Variants in PREX1 observed in about 807,000 individuals in gnomAD.
PREX1 encodes the protein phosphatidylinositol 3,4,5-trisphosphate-dependent Rac exchanger 1 protein.
A neutral mutation model predicts 198.3 loss-of-function variants in PREX1; 41 were observed. The ratio of observed to expected loss-of-function variants is 0.21; its 90% CI spans 0.16 to 0.27. The LOEUF is 0.27. Ranked by LOEUF, PREX1 falls within the 10% of genes least tolerant of loss-of-function variation. PREX1 has a pLI of 1.00. For synonymous variants in PREX1, 843 were observed against 887.2 expected (o/e 0.95, Z 0.89); for missense variants, 1,620 against 2,200.7 (o/e 0.74, Z 5.28).
intron 7 of PREX1, among the ~76,000 whole-genome samples, chr20:48,697,163 T>C (rs1160815985): frequency 1.3e-5 from 2 of 152,208 alleles, no homozygotes; most frequent in Admixed American, 6.5e-5. Context: ...AATAAAGATA[T>C]ATGTATTTGT....
At chr20:48,665,066 C>T (rs201624995) in intron 15 of PREX1, among the ~76,000 whole-genome samples, 11 of 133,492 alleles carry the variant, frequency 8.2e-5, no homozygotes, top group Admixed American at 4.6e-4. Context: ...ATTCTAATCC[C>T]GACTCCAGAC....
the PREX1 span, among the ~76,000 whole-genome samples, chr20:48,876,415 T>C: frequency 6.6e-6 from 1 of 152,204 alleles, no homozygotes; most frequent in African/African-American, 2.4e-5. Flanking sequence ...GCTTATCTTA[T>C]CAAACAAACT....
chr20:48,637,813 G>A, intron 30 of PREX1, 61 bp from the exon 31 acceptor site: 3 of 1,476,712 alleles, frequency 2.0e-6, no homozygotes, highest in Non-Finnish European at 1.9e-6. Context: ...AGAGGTGAGG[G>A]CAGAACCGGG....
chr20:48,737,646 T>C (rs1472521354), intron 3 of PREX1, among the ~76,000 whole-genome samples: 7 of 151,990 alleles, frequency 4.6e-5, no homozygotes, highest in Non-Finnish European at 1.0e-4. Context: ...CAATCAGAGT[T>C]CCCCGTCCTA....
At chr20:48,693,061 C>T (rs1317142892) in intron 7 of PREX1, among the ~76,000 whole-genome samples, 2 of 152,110 alleles carry the variant, frequency 1.3e-5, no homozygotes, top group South Asian at 2.1e-4. Context: ...ACATGGGAGA[C>T]CAACAGGAGG....
chr20:48,842,083 G>T, the PREX1 span, among the ~76,000 whole-genome samples: 1 of 152,124 alleles, frequency 6.6e-6, no homozygotes, highest in South Asian at 2.1e-4. Context: ...GCTGTTGACA[G>T]GGGGCTAATG....
intron 5 of PREX1, among the ~76,000 whole-genome samples, chr20:48,709,940 A>G (rs965747675): frequency 8.5e-5 from 13 of 152,238 alleles, no homozygotes; most frequent in African/African-American, 1.4e-4. Flanking sequence ...TCTGAAGACC[A>G]GGTCCTAAGA....
chr20:48,650,141 C>G lies in PREX1; in HGVS notation c.2883G>C (p.Pro961=), dbSNP rs368665525. The G allele has an allele frequency of 1.9e-6, 3 of 1,613,900 alleles. No homozygotes were observed. Among genetic ancestry groups the G allele is most frequent in the South Asian group, 2.2e-5 (2 of 91,070 alleles). ...PFKQAPLEPH[P]LCGLDFCPTN... is the part of the protein sequence containing the mutation. Reference sequence around the variant, plus strand: ...TGGGGCAGAAGTCCAGGCCACACAGCGGGTGGGGCTCCAGGGGGGCTTGTT... The same window carrying G: ...TGGGGCAGAAGTCCAGGCCACACAGGGGGTGGGGCTCCAGGGGGGCTTGTT... Residue 961 remains proline (P), a synonymous_variant, in exon 24 of 40, where the codon CCG becomes CCC. Transcript: ENST00000371941.
intron 1 of PREX1, among the ~76,000 whole-genome samples, chr20:48,765,831 G>A (rs1046554779): frequency 5.3e-5 from 8 of 152,174 alleles, no homozygotes; most frequent in Non-Finnish European, 7.4e-5. Flanking sequence ...GTTAGGAACC[G>A]GGCCACACAG....
intron 6 of PREX1, among the ~76,000 whole-genome samples, chr20:48,702,156 T>A (rs1284500715): frequency 6.8e-6 from 1 of 146,454 alleles, no homozygotes; most frequent in Non-Finnish European, 1.5e-5. Flanking sequence ...TGCAGTGAGC[T>A]GAGATAACGC....
At chr20:48,832,434 C>T (rs1212001473), upstream of PREX1, among the ~76,000 whole-genome samples, 3 of 152,154 alleles carry the variant, frequency 2.0e-5, no homozygotes, top group African/African-American at 7.2e-5. Context: ...TTTTCTTTCC[C>T]ATCCCAAGTT....
intron 14 of PREX1, among the ~76,000 whole-genome samples, chr20:48,667,865 C>A (rs1470834742): frequency 1.3e-5 from 2 of 152,192 alleles, no homozygotes; most frequent in Non-Finnish European, 2.9e-5. Context: ...ATGCTCCCTG[C>A]CCCAAGAACA....
chr20:48,772,522 AC>A (rs2090241233), intron 1 of PREX1, among the ~76,000 whole-genome samples: 1 of 152,232 alleles, frequency 6.6e-6, no homozygotes, highest in South Asian at 2.1e-4. Context: ...CCAGCCACCA[AC>A]CACGGGACAC....
At chr20:48,669,733 T>C (rs1047337577) in intron 14 of PREX1, among the ~76,000 whole-genome samples, 5 of 152,222 alleles carry the variant, frequency 3.3e-5, no homozygotes, top group Non-Finnish European at 7.3e-5. Context: ...AGACACTCTG[T>C]GCAAGACCCT....
the PREX1 span, among the ~76,000 whole-genome samples, chr20:48,852,626 A>G: frequency 5.3e-5 from 8 of 152,308 alleles, no homozygotes; most frequent in African/African-American, 1.9e-4. Flanking sequence ...CAAAGCTCCC[A>G]TCTGATGCCC....
chr20:48,660,174 C>T (rs962289901), intron 15 of PREX1, 113 bp from the exon 16 acceptor site: 2 of 1,283,056 alleles, frequency 1.6e-6, no homozygotes, highest in Non-Finnish European at 2.2e-6. Flanking sequence ...TTTGGTTTGG[C>T]AAACACTATT....
intron 7 of PREX1, among the ~76,000 whole-genome samples, chr20:48,699,094 C>G (rs548193894): frequency 6.6e-6 from 1 of 152,168 alleles, no homozygotes; most frequent in Admixed American, 6.5e-5. Context: ...AGCCCACACA[C>G]GGGCATGGAG....
chr20:48,631,431 A>G (rs1005091228), intron 35 of PREX1, among the ~76,000 whole-genome samples: 3 of 152,198 alleles, frequency 2.0e-5, no homozygotes, highest in Non-Finnish European at 2.9e-5. Context: ...ATTCCCAAAC[A>G]AGCACCCGGA....
intron 1 of PREX1, among the ~76,000 whole-genome samples, chr20:48,757,285 T>G (rs947300130): frequency 1.3e-5 from 2 of 152,198 alleles, no homozygotes; most frequent in Non-Finnish European, 1.5e-5. Flanking sequence ...ACAGTTCCTG[T>G]GTCCCCTACA....
Sources: gnomAD v4.1 joint callset for allele counts (sites outside exome capture counted in the v4.1 genomes callset) on GRCh38, gnomAD v4.1.1 for gene constraint, MANE v1.5 for transcripts, NCBI Gene and HGNC (gene_info 2026-07-23, HGNC 2026-07-21) for gene names.